The following TMTC2 variants were observed in gnomAD, a reference collection of about 807,000 sequenced individuals.
The protein encoded by TMTC2 is transmembrane O-mannosyltransferase targeting cadherins 2, also known as protein O-mannosyl-transferase TMTC2.
In TMTC2, 43 loss-of-function variants were observed where a neutral mutation model predicts 82.4. That is an observed-to-expected ratio of 0.52 (90% CI 0.41 to 0.67). The LOEUF is 0.67. Among genes scored for constraint, TMTC2 ranks in the 30% least tolerant of loss-of-function variants. TMTC2 has a pLI of 0.00. For missense variants in TMTC2, 919 were observed against 1,012.4 expected (o/e 0.91, Z 1.25); for synonymous variants, 408 against 381.9 (o/e 1.07, Z -0.80).
At chr12:82,896,692 G>A in intron 3 of TMTC2, 46 bp downstream of exon 3, 2 of 1,457,084 alleles carry the variant, frequency 1.4e-6, no homozygotes, top group Non-Finnish European at 9.3e-7. Context: ...TACACTTTCA[G>A]CCTCTTTATA....
At chr12:82,982,595 C>T (rs1327700658) in intron 7 of TMTC2, among the ~76,000 whole-genome samples, 1 of 151,724 alleles carries the variant, frequency 6.6e-6, no homozygotes, top group Non-Finnish European at 1.5e-5. Context: ...ATTACATATG[C>T]GTAGAAAGCA....
At chr12:82,795,602 T>G (rs116723659) in intron 1 of TMTC2, among the ~76,000 whole-genome samples, 2,436 of 152,054 alleles carry the variant, frequency 0.016, 63 homozygotes, top group African/African-American at 0.055. Context: ...AAGAGGTAAT[T>G]AGGCCATGAA....
At chr12:82,988,175 A>G (rs2137342569) in intron 8 of TMTC2, among the ~76,000 whole-genome samples, 1 of 152,312 alleles carries the variant, frequency 6.6e-6, no homozygotes, top group African/African-American at 2.4e-5. Flanking sequence ...GAACAATAGG[A>G]ATGGGAAGAG....
rs560510041 is a variant in TMTC2 at position 82,906,187 on chromosome 12, A to G, written c.1483+9541A>G. Among the ~76,000 whole-genome samples the G allele has an allele frequency of 9.2e-5, 14 of 152,254 alleles. 1 individual carries two copies. The South Asian group carries it at 2.5e-3, about 27-fold the overall frequency. On this transcript the variant is annotated intron_variant, in intron 3 of 11. Transcript: ENST00000321196. ...AATTGACTATTTCCTTGTGGATTTTATAGTCTAAGCTTTTGTTTACCTCGA... is the reference window on the plus strand; with the variant it reads ...AATTGACTATTTCCTTGTGGATTTTGTAGTCTAAGCTTTTGTTTACCTCGA...
chr12:82,990,285 T>G (rs2137346676), intron 8 of TMTC2, among the ~76,000 whole-genome samples: 1 of 152,292 alleles, frequency 6.6e-6, no homozygotes, highest in Non-Finnish European at 1.5e-5. Context: ...GTTTACAAGA[T>G]ATATTAGAAA....
At chr12:82,695,097 A>G (rs1428662528) in intron 1 of TMTC2, among the ~76,000 whole-genome samples, 2 of 152,220 alleles carry the variant, frequency 1.3e-5, no homozygotes, top group African/African-American at 2.4e-5. Context: ...GACATTTTGA[A>G]CAGTGTTAAA....
At chr12:83,040,906 G>A (rs750738495) in intron 9 of TMTC2, among the ~76,000 whole-genome samples, 1 of 151,922 alleles carries the variant, frequency 6.6e-6, no homozygotes, top group Admixed American at 6.6e-5. Context: ...GGATGGTCTC[G>A]ATCTCTTGAC....
chr12:82,831,148 T>C (rs979107157), intron 1 of TMTC2, among the ~76,000 whole-genome samples: 1 of 152,230 alleles, frequency 6.6e-6, no homozygotes, highest in Admixed American at 6.5e-5. Flanking sequence ...TTGCCATTGC[T>C]TTGACTTTGA....
intron 3 of TMTC2, among the ~76,000 whole-genome samples, chr12:82,913,359 C>T (rs1402552381): frequency 6.6e-6 from 1 of 152,124 alleles, no homozygotes; most frequent in Non-Finnish European, 1.5e-5. Flanking sequence ...TGGTTCTCAG[C>T]TCATTCTCAC....
At chr12:83,025,391 T>C (rs1186164913) in intron 8 of TMTC2, among the ~76,000 whole-genome samples, 1 of 150,058 alleles carries the variant, frequency 6.7e-6, no homozygotes, top group African/African-American at 2.4e-5. Flanking sequence ...AAATGTATTA[T>C]ATATATTTAC....
chr12:82,953,761 A>G (rs1022169655), intron 4 of TMTC2, among the ~76,000 whole-genome samples: 2 of 152,082 alleles, frequency 1.3e-5, no homozygotes, highest in Non-Finnish European at 2.9e-5. Flanking sequence ...ATGTTGGTTC[A>G]TTTCAGTTTG....
Position 82,833,444 on chromosome 12 carries a change from T to G in TMTC2, c.84-23566T>G, listed in dbSNP as rs188720644. Reference sequence around the variant, plus strand: ...TCTATGTTTTAAAATTTCAGCAGTTTGGGCTCTGACAAGTCTATGCTCTTG... The same window carrying G: ...TCTATGTTTTAAAATTTCAGCAGTTGGGGCTCTGACAAGTCTATGCTCTTG... On this transcript the variant is annotated intron_variant, in intron 1 of 11. Coordinates refer to ENST00000321196, the MANE Select transcript of TMTC2 (RefSeq NM_152588.3). 3.8e-3 allele frequency among the ~76,000 whole-genome samples: 574 copies of G among 152,346 alleles called. 4 individuals are homozygous for G. The highest frequency in any genetic ancestry group is 0.013 in the African/African-American group (550 of 41,578).
At chr12:82,892,509 G>GT (rs144185985) in intron 2 of TMTC2, among the ~76,000 whole-genome samples, 1 of 152,092 alleles carries the variant, frequency 6.6e-6, no homozygotes, top group Non-Finnish European at 1.5e-5. Context: ...GAATAAAGTA[G>GT]TTTTGCCTTG....
At chr12:82,808,528 A>G (rs901975136) in intron 1 of TMTC2, among the ~76,000 whole-genome samples, 8 of 152,128 alleles carry the variant, frequency 5.3e-5, no homozygotes, top group Non-Finnish European at 1.2e-4. Context: ...CTGAAACATT[A>G]AATAAATTAA....
At chr12:82,872,892 A>T (rs1872273928) in intron 2 of TMTC2, among the ~76,000 whole-genome samples, 1 of 152,182 alleles carries the variant, frequency 6.6e-6, no homozygotes, top group African/African-American at 2.4e-5. Context: ...AAGTGCATAA[A>T]CCCTGCATTA....
At chr12:83,083,367 G>A (rs1034934320) in intron 11 of TMTC2, among the ~76,000 whole-genome samples, 8 of 151,984 alleles carry the variant, frequency 5.3e-5, no homozygotes, top group Non-Finnish European at 8.8e-5. Context: ...TGGCTTGCTC[G>A]GGCAGTAACT....
At chr12:83,050,772 C>T (rs1201470981) in intron 9 of TMTC2, 132 bp from the exon 10 acceptor site, 1 of 544,276 alleles carries the variant, frequency 1.8e-6, no homozygotes, top group African/African-American at 1.9e-5. Flanking sequence ...TAAATAATCT[C>T]TAAATAATGA....
chr12:83,051,024 T>C lies in TMTC2; in HGVS notation c.2267+6T>C, dbSNP rs765496372. 2 of 1,596,936 alleles carry C rather than the reference T, an allele frequency of 1.3e-6. No homozygotes were observed. Among genetic ancestry groups the C allele is most frequent in the Admixed American group, 3.5e-5 (2 of 57,750 alleles). On this transcript the variant is annotated splice_donor_region_variant and intron_variant, in intron 10 of 11. Coordinates refer to ENST00000321196, the MANE Select transcript of TMTC2 (RefSeq NM_152588.3). The stretch of plus-strand genomic sequence containing the variant: ...AATGCTGCCCACATGCTCAGGTTAG[T>C]TTTTTTGCTGCTGTGCCTCAAAGCC...
At chr12:82,771,705 C>T (rs1314037679) in intron 1 of TMTC2, among the ~76,000 whole-genome samples, 1 of 151,828 alleles carries the variant, frequency 6.6e-6, no homozygotes, top group Non-Finnish European at 1.5e-5. Context: ...AAAGGTTATG[C>T]ATAAATAACT....
Sources: allele counts gnomAD v4.1 joint callset (sites outside exome capture counted in the v4.1 genomes callset), GRCh38; gene constraint gnomAD v4.1.1; transcripts MANE v1.5; gene names NCBI Gene and HGNC (gene_info 2026-07-23, HGNC 2026-07-21).